The following PLCH1 variants were observed in gnomAD, a reference collection of about 807,000 sequenced individuals.
The protein encoded by PLCH1 is 1-phosphatidylinositol 4,5-bisphosphate phosphodiesterase eta-1.
Under a neutral mutation model 126.7 loss-of-function variants are expected in PLCH1, and 60 were observed. The ratio of observed to expected loss-of-function variants is 0.47; its 90% confidence interval spans 0.38 to 0.59. The LOEUF (loss-of-function observed/expected upper bound fraction) is 0.59, where lower values mean the gene tolerates loss of function less well. PLCH1 is among the 20% of genes least tolerant of loss of function. PLCH1 has a pLI of 0.00. For synonymous variants in PLCH1, 719 were observed against 734.9 expected (o/e 0.98, Z 0.35); for missense variants, 1,723 against 2,040.0 (o/e 0.84, Z 2.99).
intron 1 of PLCH1, among the ~76,000 whole-genome samples, chr3:155,734,716 T>C (rs1577385559): frequency 1.3e-5 from 2 of 150,396 alleles, no homozygotes; most frequent in Admixed American, 1.3e-4. Flanking sequence ...TTTTCTTTTT[T>C]TTTTTTTTTT....
At chr3:155,542,040 A>G (rs531745613) in intron 10 of PLCH1, among the ~76,000 whole-genome samples, 1 of 152,306 alleles carries the variant, frequency 6.6e-6, no homozygotes, top group South Asian at 2.1e-4. Context: ...GGCGCAGGAC[A>G]GTGGGTGCAG....
At position 155,504,620 on chromosome 3, in the gene PLCH1, C is replaced by A; in HGVS notation, c.1639G>T (p.Asp547Tyr). 6.3e-7 allele frequency: 1 copy of A among 1,598,836 alleles called. No homozygotes were observed. The highest frequency in any genetic ancestry group is 8.6e-7 in the Non-Finnish European group (1 of 1,166,202). ...GLNAHLKQSP[D>Y]VKESGKKSHG... ...GATTTCTTTCCACTTTCCTTTACAT[C>A]TGGACTCTGAATAAATAAAGGCATA... is the stretch of plus-strand genomic sequence containing the variant. The change falls in exon 13 of 23, where the codon GAT (aspartate) becomes TAT (tyrosine). Residue 547 changes from aspartate to tyrosine, a missense_variant. This residue lies in a region of PLCH1 where 776 missense variants were observed against 1,062.9 expected (regional missense o/e 0.73). Coordinates refer to ENST00000460012, the MANE Select transcript of PLCH1 (RefSeq NM_014996.4).
At chr3:155,713,079 C>T (rs1337699969) in intron 1 of PLCH1, among the ~76,000 whole-genome samples, 2 of 151,828 alleles carry the variant, frequency 1.3e-5, no homozygotes, top group African/African-American at 4.8e-5. Flanking sequence ...GTTGCAAACC[C>T]ACATCTCCTG....
At chr3:155,738,680 G>A (rs921662486) in intron 1 of PLCH1, among the ~76,000 whole-genome samples, 2 of 151,972 alleles carry the variant, frequency 1.3e-5, no homozygotes, top group South Asian at 2.1e-4. Context: ...CCAGCTACTA[G>A]GGAGGTTGAG....
intron 14 of PLCH1, among the ~76,000 whole-genome samples, chr3:155,498,506 T>C (rs1717403210): frequency 6.6e-6 from 1 of 152,204 alleles, no homozygotes; most frequent in Admixed American, 6.5e-5. Context: ...GGATTCCCAC[T>C]GTGACCCAGT....
chr3:155,553,795 C>T (rs1033433354), intron 9 of PLCH1, among the ~76,000 whole-genome samples: 7 of 152,140 alleles, frequency 4.6e-5, no homozygotes, highest in African/African-American at 1.7e-4. Flanking sequence ...ACACTCTACA[C>T]CCTGGATTTA....
intron 2 of PLCH1, among the ~76,000 whole-genome samples, chr3:155,697,992 G>A (rs1745963956): frequency 6.6e-6 from 1 of 152,190 alleles, no homozygotes; most frequent in Non-Finnish European, 1.5e-5. Flanking sequence ...AAGGAGTATA[G>A]CAGAGACAAA....
intron 1 of PLCH1, among the ~76,000 whole-genome samples, chr3:155,737,614 T>C (rs1250698069): frequency 6.6e-6 from 1 of 152,222 alleles, no homozygotes; most frequent in Non-Finnish European, 1.5e-5. Flanking sequence ...TACTGTTCTA[T>C]GAAGCAATCT....
At chr3:155,465,585 G>A (rs953531713) in intron 21 of PLCH1, among the ~76,000 whole-genome samples, 2 of 151,894 alleles carry the variant, frequency 1.3e-5, no homozygotes, top group African/African-American at 2.4e-5. Context: ...AACTCCTTCT[G>A]CTTGAGAAAG....
chr3:155,458,497 AG>A (rs1287538857), intron 21 of PLCH1, among the ~76,000 whole-genome samples: 2 of 68,326 alleles, frequency 2.9e-5, no homozygotes, highest in African/African-American at 5.4e-4. Context: ...AAAGAAAGAA[AG>A]AGAAAGAAGA....
intron 1 of PLCH1, among the ~76,000 whole-genome samples, chr3:155,712,736 T>C (rs1385743784): frequency 1.3e-5 from 2 of 149,910 alleles, no homozygotes; most frequent in African/African-American, 4.9e-5. Context: ...CGATACTCTG[T>C]CACTAAATAA....
intron 21 of PLCH1, among the ~76,000 whole-genome samples, chr3:155,454,611 TAAG>T (rs1712392670): frequency 6.6e-6 from 1 of 152,226 alleles, no homozygotes; most frequent in Non-Finnish European, 1.5e-5. Flanking sequence ...CCATTTATGG[TAAG>T]GTGTATTGAG....
In PLCH1 at chr3:155,581,362, G is replaced by A. The variant is rs542019737; in HGVS notation, c.771+2110C>T. ...CCTGTACATGAATGTTCACAGCAGC[G>A]TTATTCGTAACAGCCCCCAAAAAGC... On this transcript the variant is annotated intron_variant, in intron 6 of 22. Coordinates refer to ENST00000460012, the MANE Select transcript of PLCH1 (RefSeq NM_014996.4). Among the ~76,000 whole-genome samples, 11 of 152,226 alleles carry A rather than the reference G, an allele frequency of 7.2e-5. No individual in the cohort carries two copies. In the South Asian group the frequency reaches 2.1e-3, roughly 29 times the overall value.
At chr3:155,506,292 C>A (rs1270194443) in intron 12 of PLCH1, among the ~76,000 whole-genome samples, 4 of 151,580 alleles carry the variant, frequency 2.6e-5, no homozygotes, top group Admixed American at 6.6e-5. Flanking sequence ...GCTACAAGTC[C>A]TCTCTCTGGC....
At chr3:155,568,400 T>C (rs997195105) in intron 6 of PLCH1, 76 bp from the exon 7 acceptor site, 2 of 657,278 alleles carry the variant, frequency 3.0e-6, no homozygotes, top group Non-Finnish European at 5.4e-6. Flanking sequence ...AGACATTTAC[T>C]GATTTTGCAT....
chr3:155,681,828 G>A (rs988024651), intron 2 of PLCH1, among the ~76,000 whole-genome samples: 1 of 152,196 alleles, frequency 6.6e-6, no homozygotes, highest in Non-Finnish European at 1.5e-5. Flanking sequence ...TTCCCAGGAT[G>A]AGCAAGCACA....
chr3:155,724,318 T>C (rs1748157994), intron 1 of PLCH1, among the ~76,000 whole-genome samples: 1 of 152,232 alleles, frequency 6.6e-6, no homozygotes, highest in Non-Finnish European at 1.5e-5. Context: ...TAATGACCTG[T>C]CTAGGTGCTG....
At chr3:155,636,442 A>G (rs1738727995) in intron 2 of PLCH1, among the ~76,000 whole-genome samples, 1 of 152,192 alleles carries the variant, frequency 6.6e-6, no homozygotes, top group Admixed American at 6.5e-5. Flanking sequence ...TTTTTCAACT[A>G]CAACTAAGTA....
At chr3:155,675,800 G>A (rs1334055178) in intron 2 of PLCH1, among the ~76,000 whole-genome samples, 1 of 151,884 alleles carries the variant, frequency 6.6e-6, no homozygotes, top group African/African-American at 2.4e-5. Context: ...TCTTATAAAA[G>A]TCTACATTTA....
Sources: allele counts gnomAD v4.1 joint callset (sites outside exome capture counted in the v4.1 genomes callset), GRCh38; gene constraint gnomAD v4.1.1; regional missense constraint gnomAD v4.1.1; transcripts MANE v1.5; gene names NCBI Gene and HGNC (gene_info 2026-07-23, HGNC 2026-07-21).